ADNP: variants seen among roughly 807,000 people sequenced by gnomAD.
The protein encoded by ADNP is activity dependent neuroprotector homeobox, also known as activity-dependent neuroprotector homeobox protein.
Under a neutral mutation model 84.9 loss-of-function variants are expected in ADNP, and 4 were observed. The observed-to-expected ratio is 0.05, with a 90% CI of 0.02 to 0.11. The LOEUF is 0.11. Among genes scored for constraint, ADNP ranks in the 10% least tolerant of loss-of-function variants. ADNP has a pLI of 1.00. For synonymous variants in ADNP, 554 were observed against 468.1 expected, an observed-to-expected ratio of 1.18 and a Z score of -2.37; for missense variants, 1,132 against 1,326.0, an observed-to-expected ratio of 0.85 and a Z score of 2.27.
At position 50,890,784 on chromosome 20, in the gene ADNP, GT is replaced by G; in HGVS notation, c.*620del. ...GTACAAGGTTATGTGCAAAAACTAA[GT>G]CTGTCCAAAAAGTCCATACTAGCGC... On this transcript the variant is annotated 3_prime_UTR_variant, in exon 6 of 6. Coordinates refer to ENST00000621696, the MANE Select transcript of ADNP (RefSeq NM_001282531.3). 2.7e-6 allele frequency: 1 copy of G among 366,734 alleles called. No individual in the cohort carries two copies. Among genetic ancestry groups the G allele is most frequent in the Non-Finnish European group, 3.8e-6 (1 of 264,330 alleles). 22.7% of individuals were successfully genotyped at this position (366,734 alleles called of 1,614,324 possible).
chr20:50,930,053 AAGGC>A (rs1984572121), intron 1 of ADNP, among the ~76,000 whole-genome samples: 1 of 151,906 alleles, frequency 6.6e-6, no homozygotes, highest in South Asian at 2.1e-4. Context: ...GGGGGAGGGG[AAGGC>A]AGGCAGGCCT....
intron 5 of ADNP, among the ~76,000 whole-genome samples, chr20:50,895,505 T>A (rs987660142): frequency 6.6e-6 from 1 of 152,228 alleles, no homozygotes; most frequent in Non-Finnish European, 1.5e-5. Flanking sequence ...GACATTACTG[T>A]ACACTACTGT....
At chr20:50,925,281 C>CACACACACAT (rs1470819191) in intron 2 of ADNP, among the ~76,000 whole-genome samples, 89 of 152,048 alleles carry the variant, frequency 5.9e-4, no homozygotes, top group African/African-American at 1.9e-3. Context: ...CACACACACA[C>CACACACACAT]ACACACACAC....
Position 50,919,287 on chromosome 20 carries a change from A to ACATATATATATATACATATAT in ADNP, c.-90+9363_-90+9364insATATATGTATATATATATATG, listed in dbSNP as rs776823194. Among the ~76,000 whole-genome samples, 165 of 128,046 alleles carry ACATATATATATATACATATAT rather than the reference A, an allele frequency of 1.3e-3. 2 individuals carry two copies. The highest frequency in any genetic ancestry group is 4.9e-3 in the African/African-American group (131 of 26,812). 84.0% of individuals were successfully genotyped at this position (128,046 alleles called of 152,430 possible). ...CCAGCCTGAAAAAATACATATATTTAAGTGTATATATATATATATATATAT... is the reference window on the plus strand; with the variant it reads ...CCAGCCTGAAAAAATACATATATTTACATATATATATATACATATATAGTGTATATATATATATATATATAT... On this transcript the variant is annotated intron_variant, in intron 2 of 5. Coordinates refer to ENST00000621696, the MANE Select transcript of ADNP (RefSeq NM_001282531.3).
At chr20:50,906,733 A>G (rs1054809532) in intron 2 of ADNP, among the ~76,000 whole-genome samples, 2 of 152,164 alleles carry the variant, frequency 1.3e-5, no homozygotes, top group Admixed American at 1.3e-4. Flanking sequence ...TTTTCTGAAA[A>G]AGTGAGTATG....
chr20:50,891,907 T>C lies in ADNP; in HGVS notation c.2807A>G (p.Tyr936Cys). 6.2e-7 allele frequency: 1 copy of C among 1,614,236 alleles called. No individual in the cohort carries two copies. Among genetic ancestry groups the C allele is most frequent in the Non-Finnish European group, 8.5e-7 (1 of 1,180,040 alleles). Residue 936 changes from tyrosine to cysteine, a missense_variant, in exon 6 of 6, where the codon TAC becomes TGC. By Grantham distance (194) the Tyr-to-Cys change is radical. Around this residue, in one of 10 missense-constraint regions of ADNP, gnomAD observed 381 missense variants for 319.9 expected, o/e 1.19. Coordinates refer to ENST00000621696, the MANE Select transcript of ADNP (RefSeq NM_001282531.3). ...TTCCTCAGTCAAATGAATAGTTTCG[T>C]ATTTTGAACCATCCTCTTTTTGGTC... ...KLDQKEDGSK[Y>C]ETIHLTEEPT...
chr20:50,899,272 C>G (rs938217414), intron 5 of ADNP, among the ~76,000 whole-genome samples: 1 of 151,404 alleles, frequency 6.6e-6, no homozygotes, highest in African/African-American at 2.4e-5. Context: ...TCTCAGCTCA[C>G]TGCAACCTCC....
chr20:50,896,053 T>C (rs999603152), intron 5 of ADNP, among the ~76,000 whole-genome samples: 11 of 151,368 alleles, frequency 7.3e-5, no homozygotes, highest in Non-Finnish European at 1.6e-4. Context: ...GGTGAAACCC[T>C]ACCTTTACTG....
At chr20:50,921,351 ATTC>A (rs1190392637) in intron 2 of ADNP, among the ~76,000 whole-genome samples, 5 of 152,232 alleles carry the variant, frequency 3.3e-5, no homozygotes, top group Non-Finnish European at 7.3e-5. Flanking sequence ...AGGTTTGCAT[ATTC>A]TTAACAAGCT....
At chr20:50,912,844 C>T (rs1394949243) in intron 2 of ADNP, among the ~76,000 whole-genome samples, 1 of 150,602 alleles carries the variant, frequency 6.6e-6, no homozygotes, top group Non-Finnish European at 1.5e-5. Flanking sequence ...CATTTCTACC[C>T]TAAAGTTGTA....
In ADNP at chr20:50,889,490, G is replaced by A. The variant is rs954898083; in HGVS notation, c.*1915C>T. 1 of 174,526 alleles carries A rather than the reference G, an allele frequency of 5.7e-6. No individual in the cohort carries two copies. The highest frequency in any genetic ancestry group is 2.4e-5 in the African/African-American group (1 of 42,492). The allele number at this position is 174,526 out of a possible 1,614,324, so 10.8% of individuals were successfully genotyped here. A position where few individuals can be genotyped will look rare whatever the true frequency, so the allele number is the denominator to read the frequency against. ...CGTTCCAGCCCCAAATTCCTTAAAG[G>A]TTCTAGTCTACTCTTGCACTTCTTC... On this transcript the variant is annotated 3_prime_UTR_variant, in exon 6 of 6. Coordinates refer to ENST00000621696, the MANE Select transcript of ADNP (RefSeq NM_001282531.3).
chr20:50,919,324 G>C (rs1237506148), intron 2 of ADNP, among the ~76,000 whole-genome samples: 3 of 129,216 alleles, frequency 2.3e-5, no homozygotes, highest in East Asian at 2.4e-4. Flanking sequence ...TATGTAAAAA[G>C]CCAGGTGTGA....
intron 5 of ADNP, 41 bp from the exon 6 acceptor site, chr20:50,894,553 G>T: frequency 3.9e-6 from 6 of 1,540,228 alleles, no homozygotes; most frequent in Non-Finnish European, 4.4e-6. Context: ...TGCCACTTCA[G>T]ATAGGCAGTT....
intron 2 of ADNP, chr20:50,914,398 A>G: frequency 3.6e-6 from 2 of 551,434 alleles, no homozygotes; most frequent in East Asian, 6.5e-5. Context: ...GTAGAAGGTT[A>G]AACAGCTTGG....
Position 50,893,048 on chromosome 20 carries a change from G to C in ADNP, c.1666C>G (p.Gln556Glu). The C allele has an allele frequency of 6.2e-7, 1 of 1,614,216 alleles. No homozygotes were observed. Among genetic ancestry groups the C allele is most frequent in the Non-Finnish European group, 8.5e-7 (1 of 1,180,046 alleles). ...STLSFDLTLQ[Q>E]GSHTNIHLLV... Reference sequence around the variant, plus strand: ...AGATGGATGTTAGTGTGACTACCCTGCTGCAATGTCAAATCAAAACTCAAA... The same window carrying C: ...AGATGGATGTTAGTGTGACTACCCTCCTGCAATGTCAAATCAAAACTCAAA... The change falls in exon 6 of 6, where the codon CAG becomes GAG. Residue 556 changes from glutamine to glutamate, a missense_variant. Around this residue, in one of 10 missense-constraint regions of ADNP, gnomAD observed 87 missense variants for 181.4 expected, o/e 0.48. Transcript: ENST00000621696. The surrounding 1 kb of genome is among the most constrained non-coding windows in gnomAD (Gnocchi z 4.4).
chr20:50,889,495 A>C lies in ADNP; in HGVS notation c.*1910T>G, dbSNP rs978688793. 1 of 177,540 alleles carries C rather than the reference A, an allele frequency of 5.6e-6. No individual in the cohort carries two copies. The highest frequency in any genetic ancestry group is 2.3e-5 in the African/African-American group (1 of 42,650). The allele number at this position is 177,540 out of a possible 1,614,324, so 11.0% of individuals were successfully genotyped here. On this transcript the variant is annotated 3_prime_UTR_variant, in exon 6 of 6. Transcript: ENST00000621696. ...CAGCCCCAAATTCCTTAAAGGTTCT[A>C]GTCTACTCTTGCACTTCTTCCTGTA...
At chr20:50,895,347 G>A (rs1981266224) in intron 5 of ADNP, among the ~76,000 whole-genome samples, 1 of 152,210 alleles carries the variant, frequency 6.6e-6, no homozygotes, top group African/African-American at 2.4e-5. Context: ...CATAGGCAAT[G>A]ATTAACACAA....
intron 2 of ADNP, among the ~76,000 whole-genome samples, chr20:50,922,810 T>C (rs1022235707): frequency 1.3e-5 from 2 of 152,094 alleles, no homozygotes; most frequent in Admixed American, 6.5e-5. Context: ...CTCAAACTCC[T>C]AAACTTGTGA....
chr20:50,902,785 G>C (rs1364092506), intron 4 of ADNP, among the ~76,000 whole-genome samples: 5 of 152,176 alleles, frequency 3.3e-5, no homozygotes, highest in Non-Finnish European at 7.3e-5. Flanking sequence ...CAAATCAAAT[G>C]CATGACAGAA....
Sources: allele counts gnomAD v4.1 joint callset (sites outside exome capture counted in the v4.1 genomes callset), GRCh38; gene constraint gnomAD v4.1.1; regional missense constraint gnomAD v4.1.1; non-coding constraint Gnocchi (gnomAD v3.1); transcripts MANE v1.5; gene names NCBI Gene and HGNC (gene_info 2026-07-23, HGNC 2026-07-21).